Variants in ZNF385D observed in about 807,000 individuals in gnomAD.
ZNF385D encodes zinc finger protein 385D.
ZNF385D carries 15 observed loss-of-function variants against 35.8 expected under a neutral mutation model. That is an observed-to-expected ratio of 0.42 (90% CI 0.28 to 0.64). The LOEUF is 0.64. ZNF385D is among the 30% of genes least tolerant of loss of function. The pLI, the probability that ZNF385D is intolerant of heterozygous loss-of-function variation, is 0.23. For synonymous variants in ZNF385D, 212 were observed against 186.8 expected (o/e 1.13, Z -1.10); for missense variants, 474 against 494.6 (o/e 0.96, Z 0.39).
At chr3:21,971,822 T>G (rs1214504009) in intron 3 of ZNF385D, among the ~76,000 whole-genome samples, 1 of 151,934 alleles carries the variant, frequency 6.6e-6, no homozygotes, top group Non-Finnish European at 1.5e-5. Flanking sequence ...GCTATCCTTA[T>G]ATTAGACAAA....
chr3:21,825,436 A>G (rs577886575), intron 3 of ZNF385D, among the ~76,000 whole-genome samples: 12 of 152,298 alleles, frequency 7.9e-5, no homozygotes, highest in African/African-American at 2.6e-4. Flanking sequence ...CAAAAAACAG[A>G]TTATAAAACT....
chr3:21,985,819 C>G (rs1004189375), intron 3 of ZNF385D, among the ~76,000 whole-genome samples: 1 of 112,444 alleles, frequency 8.9e-6, no homozygotes, highest in African/African-American at 4.1e-5. Context: ...GGTTGGTAAA[C>G]TATTGATTAT....
At chr3:21,447,717 G>A (rs1702227664) in intron 4 of ZNF385D, among the ~76,000 whole-genome samples, 1 of 152,152 alleles carries the variant, frequency 6.6e-6, no homozygotes, top group South Asian at 2.1e-4. Context: ...AACGAAAAGT[G>A]AGAGAAAGCT....
At chr3:21,471,489 G>C (rs982266191) in intron 4 of ZNF385D, among the ~76,000 whole-genome samples, 1 of 152,008 alleles carries the variant, frequency 6.6e-6, no homozygotes, top group African/African-American at 2.4e-5. Flanking sequence ...TCTCACTAAA[G>C]AGCCCAAAAC....
chr3:22,171,574 C>T (rs1425481681), intron 2 of ZNF385D, among the ~76,000 whole-genome samples: 1 of 152,106 alleles, frequency 6.6e-6, no homozygotes, highest in East Asian at 1.9e-4. Flanking sequence ...TGGGGTAGGA[C>T]ATCATAAAAC....
At chr3:22,268,649 C>G (rs1025752862) in intron 2 of ZNF385D, among the ~76,000 whole-genome samples, 206 of 152,132 alleles carry the variant, frequency 1.4e-3, no homozygotes, top group African/African-American at 4.7e-3. Context: ...ACTTCCAGCA[C>G]AGAAGAGAGC....
chr3:22,143,183 C>T (rs983455996), intron 3 of ZNF385D, among the ~76,000 whole-genome samples: 9 of 151,722 alleles, frequency 5.9e-5, no homozygotes, highest in African/African-American at 2.2e-4. Context: ...CCCAAGTTCA[C>T]TCCATTCTCC....
At chr3:21,914,514 C>G (rs1458873241) in intron 3 of ZNF385D, among the ~76,000 whole-genome samples, 3 of 151,608 alleles carry the variant, frequency 2.0e-5, no homozygotes, top group Non-Finnish European at 2.9e-5. Context: ...ATTCACATAC[C>G]TCATTAAAAT....
chr3:21,606,529 C>A (rs375242328), intron 2 of ZNF385D, among the ~76,000 whole-genome samples: 6 of 152,144 alleles, frequency 3.9e-5, no homozygotes, highest in African/African-American at 1.4e-4. Flanking sequence ...GATGAAGAAA[C>A]TGAGTCCTAA....
chr3:22,245,054 C>T (rs1001646376), intron 2 of ZNF385D, among the ~76,000 whole-genome samples: 5 of 152,024 alleles, frequency 3.3e-5, no homozygotes, highest in African/African-American at 9.7e-5. Context: ...AGTGAATAGA[C>T]GATCTATGCT....
intron 3 of ZNF385D, among the ~76,000 whole-genome samples, chr3:22,014,603 AATAT>A (rs1027178711): frequency 3.0e-4 from 45 of 152,268 alleles, no homozygotes; most frequent in Middle Eastern, 3.4e-3. Flanking sequence ...AAGTCTCAGA[AATAT>A]ATACTCAGAA....
intron 2 of ZNF385D, among the ~76,000 whole-genome samples, chr3:22,326,082 C>T (rs542893120): frequency 2.6e-4 from 40 of 152,304 alleles, no homozygotes; most frequent in African/African-American, 9.6e-4. Flanking sequence ...CTCTCTTCCA[C>T]TTTTCCCTTC....
chr3:21,561,792 A>G (rs2062957096), intron 3 of ZNF385D: 1 of 150,610 alleles, frequency 6.6e-6, no homozygotes, highest in Non-Finnish European at 1.5e-5. Flanking sequence ...CAAAACAATC[A>G]CAATAGTAAC....
At position 21,556,062 on chromosome 3, in the gene ZNF385D, G is replaced by GTTTTTTTTTT. The variant is rs1362972751; in HGVS notation, c.276+8511_276+8512insAAAAAAAAAA. 7.1e-4 allele frequency among the ~76,000 whole-genome samples: 66 copies of GTTTTTTTTTT among 93,128 alleles called. 1 individual carries two copies. Among genetic ancestry groups the GTTTTTTTTTT allele is most frequent in the East Asian group, 2.6e-3 (9 of 3,410 alleles). The allele number at this position is 93,128 out of a possible 152,430, so 61.1% of individuals were successfully genotyped here. ...TTGCCCACTTTTTGACGTTTTTTTT[G>GTTTTTTTTTT]TTTTTGTTTTTTTTTTTTTTTTTTT... On this transcript the variant is annotated intron_variant, in intron 3 of 7. Transcript: ENST00000281523.
At chr3:21,441,025 A>G (rs1289088903) in intron 4 of ZNF385D, among the ~76,000 whole-genome samples, 2 of 152,128 alleles carry the variant, frequency 1.3e-5, no homozygotes, top group Non-Finnish European at 2.9e-5. Context: ...TTATTAAGGA[A>G]CTATTTTGTG....
chr3:21,503,637 T>C (rs959613482), intron 4 of ZNF385D, among the ~76,000 whole-genome samples: 1 of 152,078 alleles, frequency 6.6e-6, no homozygotes, highest in African/African-American at 2.4e-5. Context: ...TTCAGGAGGG[T>C]AATGTGCAGG....
intron 2 of ZNF385D, among the ~76,000 whole-genome samples, chr3:22,257,077 G>C (rs1281889453): frequency 6.6e-6 from 1 of 151,802 alleles, no homozygotes; most frequent in Non-Finnish European, 1.5e-5. Flanking sequence ...TATGCTTCAA[G>C]ATCATACAGA....
chr3:21,506,832 A>ATTC (rs1455429873), intron 4 of ZNF385D, among the ~76,000 whole-genome samples: 6 of 152,166 alleles, frequency 3.9e-5, no homozygotes, highest in African/African-American at 1.4e-4. Context: ...CAAGAACTAA[A>ATTC]ATTGTTCTTT....
chr3:22,226,716 G>C (rs1698578645), intron 2 of ZNF385D, among the ~76,000 whole-genome samples: 1 of 152,004 alleles, frequency 6.6e-6, no homozygotes, highest in South Asian at 2.1e-4. Flanking sequence ...ATCCTCTCCA[G>C]GTACTCATCA....
Sources: allele counts gnomAD v4.1 joint callset (sites outside exome capture counted in the v4.1 genomes callset), GRCh38; gene constraint gnomAD v4.1.1; transcripts MANE v1.5; gene names NCBI Gene and HGNC (gene_info 2026-07-23, HGNC 2026-07-21).